Variants in MAPK8 observed in about 807,000 individuals in gnomAD.
MAPK8 encodes mitogen-activated protein kinase 8.
A neutral mutation model predicts 52.9 loss-of-function variants in MAPK8; 13 were observed. The observed-to-expected ratio is 0.25, with a 90% CI of 0.16 to 0.39. The LOEUF (loss-of-function observed/expected upper bound fraction) is 0.39, where lower values mean the gene tolerates loss of function less well. Ranked by LOEUF, MAPK8 falls within the 10% of genes least tolerant of loss-of-function variation. MAPK8 has a pLI of 1.00. For missense variants in MAPK8, 300 were observed against 519.2 expected, an observed-to-expected ratio of 0.58 and a Z score of 4.10; for synonymous variants, 191 against 169.8, an observed-to-expected ratio of 1.12 and a Z score of -0.97.
At chr10:48,408,366 A>AACT (rs1436303708) in intron 3 of MAPK8, among the ~76,000 whole-genome samples, 2 of 152,250 alleles carry the variant, frequency 1.3e-5, no homozygotes, top group East Asian at 3.8e-4. Context: ...CTCTGTCAAG[A>AACT]ACTAGGAGTT....
At chr10:48,356,887 T>A (rs1027945526) in intron 1 of MAPK8, among the ~76,000 whole-genome samples, 68 of 26,854 alleles carry the variant, frequency 2.5e-3, no homozygotes, top group East Asian at 0.012. Context: ...AAAATCCAAC[T>A]ACGTAGTTTA....
At chr10:48,418,532 A>G (rs1401321864) in intron 5 of MAPK8, among the ~76,000 whole-genome samples, 2 of 152,188 alleles carry the variant, frequency 1.3e-5, no homozygotes, top group South Asian at 2.1e-4. Context: ...AGGAGATGAC[A>G]GGAAGTTGTG....
At chr10:48,355,093 G>A (rs1231354415) in intron 1 of MAPK8, among the ~76,000 whole-genome samples, 2 of 152,204 alleles carry the variant, frequency 1.3e-5, no homozygotes, top group Non-Finnish European at 2.9e-5. Flanking sequence ...TGTTTCATAT[G>A]TTTCAACAAA....
intron 1 of MAPK8, 90 bp downstream of exon 1, chr10:48,306,911 C>G (rs1841384711): frequency 6.6e-6 from 1 of 151,592 alleles, no homozygotes; most frequent in Non-Finnish European, 1.5e-5. Flanking sequence ...CCGCCTTCTC[C>G]TCAGCCGTAA....
chr10:48,376,815 C>T (rs1188865184), intron 1 of MAPK8, among the ~76,000 whole-genome samples: 7 of 152,186 alleles, frequency 4.6e-5, no homozygotes, highest in Non-Finnish European at 1.0e-4. Flanking sequence ...GTGGCAATTC[C>T]TCAAGGATCT....
intron 1 of MAPK8, among the ~76,000 whole-genome samples, chr10:48,330,083 CAT>C (rs1181028445): frequency 7.2e-5 from 11 of 152,072 alleles, no homozygotes; most frequent in South Asian, 2.1e-4. Context: ...TGGGTACACA[CAT>C]GTATAATTTG....
At chr10:48,331,634 C>A (rs1215580797) in intron 1 of MAPK8, among the ~76,000 whole-genome samples, 2 of 152,264 alleles carry the variant, frequency 1.3e-5, no homozygotes, top group Non-Finnish European at 2.9e-5. Flanking sequence ...TAATCAGCAC[C>A]AAGTTGCCAG....
chr10:48,399,709 A>G (rs746140098), intron 1 of MAPK8, among the ~76,000 whole-genome samples: 2 of 152,182 alleles, frequency 1.3e-5, no homozygotes, highest in Non-Finnish European at 2.9e-5. Flanking sequence ...CTGCTTTGGT[A>G]ACAATATATC....
intron 5 of MAPK8, 75 bp downstream of exon 5, chr10:48,410,243 C>A: frequency 7.5e-7 from 1 of 1,325,616 alleles, no homozygotes; most frequent in Non-Finnish European, 1.0e-6. Flanking sequence ...ATTAACCATT[C>A]TAAAGTGGCA....
At chr10:48,421,820 T>A (rs2043374483) in intron 6 of MAPK8, among the ~76,000 whole-genome samples, 1 of 151,930 alleles carries the variant, frequency 6.6e-6, no homozygotes, top group African/African-American at 2.4e-5. Context: ...TAAAATAGAA[T>A]AAAAAATGAA....
chr10:48,325,771 T>A (rs887817360), intron 1 of MAPK8: 3 of 152,260 alleles, frequency 2.0e-5, no homozygotes, highest in African/African-American at 7.2e-5. Flanking sequence ...TACATTTTGT[T>A]GTCATATCTC....
chr10:48,345,714 G>T (rs1255954350), intron 1 of MAPK8, among the ~76,000 whole-genome samples: 1 of 152,164 alleles, frequency 6.6e-6, no homozygotes, highest in Admixed American at 6.5e-5. Context: ...GGGTGGATCT[G>T]CTCAGGACCC....
At chr10:48,400,165 C>T (rs150548818) in intron 1 of MAPK8, among the ~76,000 whole-genome samples, 1 of 152,292 alleles carries the variant, frequency 6.6e-6, no homozygotes, top group African/African-American at 2.4e-5. Flanking sequence ...ATTACCAAAG[C>T]TCCTTTCTTT....
intron 2 of MAPK8, among the ~76,000 whole-genome samples, chr10:48,403,184 G>A (rs759906561): frequency 1.9e-4 from 29 of 152,182 alleles, no homozygotes; most frequent in Non-Finnish European, 3.8e-4. Flanking sequence ...AGCAAGCCGG[G>A]CGCGGTGGCT....
intron 1 of MAPK8, among the ~76,000 whole-genome samples, chr10:48,390,718 A>T (rs1027730289): frequency 9.9e-5 from 15 of 152,238 alleles, no homozygotes; most frequent in Non-Finnish European, 1.3e-4. Flanking sequence ...CTTGAGTCAT[A>T]AAAACCTAAT....
At chr10:48,424,205 T>A (rs2043532735) in intron 7 of MAPK8, 46 bp downstream of exon 7, 2 of 1,479,332 alleles carry the variant, frequency 1.4e-6, no homozygotes, top group Non-Finnish European at 1.9e-6. Flanking sequence ...GCGATGAACT[T>A]CTTTATGTTC....
At chr10:48,431,036 C>T (rs2044193926) in intron 10 of MAPK8, 157 bp from the exon 11 acceptor site, 4 of 645,216 alleles carry the variant, frequency 6.2e-6, no homozygotes, top group Non-Finnish European at 1.1e-5. Flanking sequence ...TATTAATTAA[C>T]ATCCTTGAAT....
chr10:48,352,472 T>C (rs566119154), intron 1 of MAPK8, among the ~76,000 whole-genome samples: 1 of 151,704 alleles, frequency 6.6e-6, no homozygotes, highest in Non-Finnish European at 1.5e-5. Flanking sequence ...GATTCAACAT[T>C]TGAAAATCTG....
chr10:48,345,483 A>G (rs1167912161), intron 1 of MAPK8, among the ~76,000 whole-genome samples: 1 of 152,228 alleles, frequency 6.6e-6, no homozygotes, highest in Non-Finnish European at 1.5e-5. Context: ...TTTGAGTCCA[A>G]GATCTAATTC....
Sources: gnomAD v4.1 joint callset for allele counts (sites outside exome capture counted in the v4.1 genomes callset) on GRCh38, gnomAD v4.1.1 for gene constraint, MANE v1.5 for transcripts, NCBI Gene and HGNC (gene_info 2026-07-23, HGNC 2026-07-21) for gene names.